DENND2A: variants seen among roughly 807,000 people sequenced by gnomAD.
DENND2A encodes the protein DENN domain-containing protein 2A.
DENND2A carries 53 observed loss-of-function variants against 105.3 expected under a neutral mutation model. The observed-to-expected ratio is 0.50, with a 90% CI of 0.40 to 0.63. The LOEUF is 0.63. DENND2A is among the 30% of genes least tolerant of loss of function. The probability of loss-of-function intolerance (pLI) is 0.00; values close to 1 mark genes in which losing one functional copy is unlikely to be tolerated. For missense variants in DENND2A, 1,138 were observed against 1,279.6 expected (o/e 0.89, Z 1.69); for synonymous variants, 522 against 508.4 (o/e 1.03, Z -0.36).
intron 16 of DENND2A, 84 bp downstream of exon 16, chr7:140,525,667 C>T: frequency 7.6e-7 from 1 of 1,310,362 alleles, no homozygotes; most frequent in Non-Finnish European, 1.0e-6. Context: ...TCCCAAAGAG[C>T]CTTTCCAAGG....
At chr7:140,558,319 G>A (rs1371123240) in intron 10 of DENND2A, 107 bp from the exon 11 acceptor site, 1 of 807,866 alleles carries the variant, frequency 1.2e-6, no homozygotes, top group Non-Finnish European at 2.0e-6. Context: ...CACACTGCAG[G>A]AGGCTGTAGG....
rs146760592 is a variant in DENND2A, at chr7:140,632,261, G to A, written c.-248+8243C>T. 5.9e-5 allele frequency among the ~76,000 whole-genome samples: 9 copies of A among 152,270 alleles called. No homozygotes were observed. The East Asian group carries it at 1.7e-3, about 29-fold the overall frequency. On this transcript the variant is annotated intron_variant, in intron 1 of 19. Coordinates refer to ENST00000496613, the MANE Select transcript of DENND2A (RefSeq NM_015689.5). The stretch of plus-strand genomic sequence containing the variant: ...GGGAGAGGCAGTGAAAGTAGAATCT[G>A]ACTCCTCTGATTCATTGAATGGGAG...
At chr7:140,608,848 C>T (rs1799786153) in intron 1 of DENND2A, among the ~76,000 whole-genome samples, 2 of 152,092 alleles carry the variant, frequency 1.3e-5, no homozygotes, top group African/African-American at 4.8e-5. Context: ...TTCCAGTCAA[C>T]CTGGGGACCC....
intron 3 of DENND2A, among the ~76,000 whole-genome samples, chr7:140,593,534 G>A (rs576759899): frequency 6.6e-6 from 1 of 152,332 alleles, no homozygotes; most frequent in East Asian, 1.9e-4. Context: ...TAAATGAAAT[G>A]CTAACTTAGA....
At chr7:140,539,270 T>C (rs148677523) in intron 14 of DENND2A, among the ~76,000 whole-genome samples, 147 of 152,286 alleles carry the variant, frequency 9.7e-4, no homozygotes, top group Middle Eastern at 6.8e-3. Context: ...TGGATACGGA[T>C]TCTTCCACCT....
rs529601007 is a variant in DENND2A, at chr7:140,585,028, G to A, written c.1245+561C>T. On this transcript the variant is annotated intron_variant, in intron 5 of 19. Coordinates refer to ENST00000496613, the MANE Select transcript of DENND2A (RefSeq NM_015689.5). ...AGCATGGCCAACATGGTGAAACCCC[G>A]TCTCTACAAAAAATACAAAAATTAG... is the stretch of plus-strand genomic sequence containing the variant. Among the ~76,000 whole-genome samples the A allele has an allele frequency of 2.0e-4, 30 of 152,164 alleles. 1 individual carries two copies. Among genetic ancestry groups the A allele is most frequent in the South Asian group, 1.9e-3 (9 of 4,822 alleles).
At chr7:140,544,546 T>C in intron 14 of DENND2A, 72 bp downstream of exon 14, 1 of 1,596,602 alleles carries the variant, frequency 6.3e-7, no homozygotes, top group Non-Finnish European at 8.6e-7. Context: ...GGCGGTCACC[T>C]GCTCTACAGA....
intron 5 of DENND2A, among the ~76,000 whole-genome samples, chr7:140,578,313 T>A (rs925214460): frequency 3.3e-5 from 5 of 152,144 alleles, no homozygotes; most frequent in African/African-American, 1.2e-4. Context: ...TAACCCTTCT[T>A]GTCTGTGAAC....
chr7:140,589,199 T>C (rs1327433909), intron 3 of DENND2A, among the ~76,000 whole-genome samples: 1 of 152,152 alleles, frequency 6.6e-6, no homozygotes, highest in African/African-American at 2.4e-5. Flanking sequence ...ATGGAGAGCA[T>C]TTATTTAAGT....
intron 1 of DENND2A, among the ~76,000 whole-genome samples, chr7:140,617,248 CT>C (rs1418897393): frequency 1.3e-5 from 2 of 152,220 alleles, no homozygotes; most frequent in Non-Finnish European, 2.9e-5. Context: ...GTGCGTGCAC[CT>C]TTTCCTGGAA....
chr7:140,568,670 G>A, intron 8 of DENND2A, 93 bp downstream of exon 8: 1 of 1,339,100 alleles, frequency 7.5e-7, no homozygotes, highest in Non-Finnish European at 1.1e-6. Flanking sequence ...AGCTCCGGCA[G>A]GACGCTTCTG....
At chr7:140,635,996 T>C (rs532368689) in intron 1 of DENND2A, among the ~76,000 whole-genome samples, 160 of 152,280 alleles carry the variant, frequency 1.1e-3, no homozygotes, top group Non-Finnish European at 1.6e-3. Context: ...TTCCAGGCAG[T>C]GTTTGCCTCC....
intron 14 of DENND2A, among the ~76,000 whole-genome samples, chr7:140,529,091 T>C (rs1796165463): frequency 6.6e-6 from 1 of 151,976 alleles, no homozygotes. Flanking sequence ...GGTGACAGAG[T>C]GAGGCACTGC....
intron 8 of DENND2A, among the ~76,000 whole-genome samples, chr7:140,568,002 G>A (rs758973204): frequency 3.9e-5 from 6 of 152,034 alleles, no homozygotes; most frequent in East Asian, 3.9e-4. Flanking sequence ...GTGCAATGGC[G>A]CAATCTCAGC....
At chr7:140,526,269 T>C (rs1796052530) in intron 15 of DENND2A, among the ~76,000 whole-genome samples, 1 of 152,230 alleles carries the variant, frequency 6.6e-6, no homozygotes, top group Admixed American at 6.5e-5. Context: ...CTTTCACTGC[T>C]GAAGGCTTTC....
intron 1 of DENND2A, among the ~76,000 whole-genome samples, chr7:140,634,215 G>A (rs1301048475): frequency 1.3e-5 from 2 of 151,850 alleles, no homozygotes; most frequent in African/African-American, 2.4e-5. Flanking sequence ...AGCCAGGACC[G>A]TCTTGATCTC....
In DENND2A at chr7:140,531,804, A is replaced by G. The variant is rs998526947; in HGVS notation, c.2328-4309T>C. ...CACCCCAGGCTGGGCAACAAACGCG[A>G]AACTCTGTCTCAAAGGAAAACAACA... is the stretch of plus-strand genomic sequence containing the variant. On this transcript the variant is annotated intron_variant, in intron 14 of 19. Coordinates refer to ENST00000496613, the MANE Select transcript of DENND2A (RefSeq NM_015689.5). 6.3e-5 allele frequency among the ~76,000 whole-genome samples: 9 copies of G among 143,038 alleles called. 1 individual carries two copies. Among genetic ancestry groups the G allele is most frequent in the African/African-American group, 2.1e-4 (8 of 38,158 alleles). The allele number at this position is 143,038 out of a possible 152,430, so 93.8% of individuals were successfully genotyped here. A position where few individuals can be genotyped will look rare whatever the true frequency, so the allele number is the denominator to read the frequency against.
chr7:140,523,299 A>T lies in DENND2A; in HGVS notation c.2665+8T>A. ...GAGAGACCCACTGGGAGGTGGCTGA[A>T]CACTTACCGTGCCTGCCGTCTAGGG... On this transcript the variant is annotated splice_region_variant and intron_variant, in intron 17 of 19. Transcript: ENST00000496613. The surrounding 1 kb of genome is among the most constrained non-coding windows in gnomAD (Gnocchi z 4.5). The T allele has an allele frequency of 6.2e-7, 1 of 1,613,914 alleles. No homozygotes were observed. The highest frequency in any genetic ancestry group is 8.5e-7 in the Non-Finnish European group (1 of 1,179,834).
intron 9 of DENND2A, among the ~76,000 whole-genome samples, chr7:140,565,359 T>C (rs1364094613): frequency 3.3e-5 from 5 of 151,982 alleles, no homozygotes; most frequent in African/African-American, 7.2e-5. Context: ...GGTTATTTTA[T>C]GTCCTCCTGG....
Sources: allele counts gnomAD v4.1 joint callset (sites outside exome capture counted in the v4.1 genomes callset), GRCh38; gene constraint gnomAD v4.1.1; non-coding constraint Gnocchi (gnomAD v3.1); transcripts MANE v1.5; gene names NCBI Gene and HGNC (gene_info 2026-07-23, HGNC 2026-07-21).